Variants in DEPDC7 observed in about 807,000 individuals in gnomAD.
DEPDC7 encodes the protein DEP domain-containing protein 7.
DEPDC7 carries 41 observed loss-of-function variants against 56.6 expected under a neutral mutation model. The observed-to-expected ratio is 0.72, with a 90% confidence interval of 0.56 to 0.94. The LOEUF (loss-of-function observed/expected upper bound fraction) is 0.94. DEPDC7 is among the 40% of genes least tolerant of loss of function. DEPDC7 has a pLI of 0.00. For missense variants in DEPDC7, 522 were observed against 596.3 expected (o/e 0.88, Z 1.30); for synonymous variants, 185 against 208.8 (o/e 0.89, Z 0.98).
At position 33,028,777 on chromosome 11, in the gene DEPDC7, C is replaced by T. The variant is rs760792587; in HGVS notation, c.767C>T (p.Ala256Val). ...SNYLDRGILK[A>V]YSDSQEDEWL... ...TATCTGGATCGAGGGATTCTCAAGG[C>T]TTATAGTGACTCTCAGTATGTGGAA... Residue 256 changes from alanine (A) to valine (V), a missense_variant, in exon 4 of 9, where the codon GCT becomes GTT. By Grantham distance (64) the Ala-to-Val change is moderately conservative (BLOSUM62 0). Transcript: ENST00000241051. The T allele has an allele frequency of 2.6e-5, 42 of 1,606,564 alleles. No homozygotes were observed. The highest frequency in any genetic ancestry group is 3.6e-5 in the Non-Finnish European group (42 of 1,177,792).
At chr11:33,019,638 C>T (rs113239755) in intron 1 of DEPDC7, among the ~76,000 whole-genome samples, 11 of 152,200 alleles carry the variant, frequency 7.2e-5, no homozygotes, top group African/African-American at 2.4e-4. Flanking sequence ...TGCATTCCAA[C>T]CTGGATGACA....
intron 1 of DEPDC7, among the ~76,000 whole-genome samples, chr11:33,019,878 C>CTTTTTT (rs77915754): frequency 7.8e-6 from 1 of 128,774 alleles, no homozygotes; most frequent in Non-Finnish European, 1.7e-5. Flanking sequence ...GATTCAGTTC[C>CTTTTTT]TTTTTTTTTT....
intron 4 of DEPDC7, among the ~76,000 whole-genome samples, chr11:33,031,165 G>A (rs3818228): frequency 0.4 from 61,190 of 152,070 alleles, 12,483 homozygotes; most frequent in East Asian, 0.46. Flanking sequence ...AAAGGAAAAA[G>A]TAAAGGGAAA....
Position 33,016,023 on chromosome 11 carries a change from C to G in DEPDC7, c.68C>G (p.Pro23Arg), listed in dbSNP as rs766262112. The G allele has an allele frequency of 2.3e-5, 35 of 1,537,128 alleles. 1 individual carries two copies. In the South Asian group the frequency reaches 4.3e-4, roughly 19 times the overall value. Residue 23 changes from proline to arginine, a missense_variant, in exon 1 of 9, where the codon CCT (proline) becomes CGT (arginine). By Grantham distance (103) the Pro-to-Arg change is moderately radical. Coordinates refer to ENST00000241051, the MANE Select transcript of DEPDC7 (RefSeq NM_001077242.2). Reference protein sequence around the residue: ...LSALHSPAHRPPGFSVAQKPF... With the variant: ...LSALHSPAHRRPGFSVAQKPF... ...GCTCTCCACAGCCCCGCGCACAGGC[C>G]TCCGGGTAGGTGCCGAGGACTGCCG...
At position 33,032,494 on chromosome 11, in the gene DEPDC7, A is replaced by G; in HGVS notation, c.1137+16A>G. On this transcript the variant is annotated intron_variant, in intron 6 of 8. Transcript: ENST00000241051. ...ACAGAAAGAAGTAAGTCTTTTGTTT[A>G]ACTGTTAGTTGTATTTAATATCCTT... 1 of 1,549,298 alleles carries G rather than the reference A, an allele frequency of 6.5e-7. No individual in the cohort carries two copies. The highest frequency in any genetic ancestry group is 1.3e-5 in the South Asian group (1 of 79,928).
In DEPDC7 at chr11:33,024,434, A is replaced by ATG. The variant is rs760322915; in HGVS notation, c.74-1211_74-1210dup. Among the ~76,000 whole-genome samples, 306 of 151,662 alleles carry ATG rather than the reference A, an allele frequency of 2.0e-3. 1 individual carries two copies. Among genetic ancestry groups the ATG allele is most frequent in the African/African-American group, 5.4e-3 (222 of 41,398 alleles). ...GCAATGATTGTGTGTATCAATGTGT[A>ATG]TGTGTGTGTGTGTGTATACAATCAT... On this transcript the variant is annotated intron_variant, in intron 1 of 8. Transcript: ENST00000241051.
At chr11:33,030,194 G>A (rs1329456957) in intron 4 of DEPDC7, among the ~76,000 whole-genome samples, 1 of 152,204 alleles carries the variant, frequency 6.6e-6, no homozygotes, top group Non-Finnish European at 1.5e-5. Flanking sequence ...TCCCGACCTT[G>A]TGATCTGTCC....
intron 4 of DEPDC7, among the ~76,000 whole-genome samples, chr11:33,031,064 T>C (rs2133667729): frequency 6.6e-6 from 1 of 152,318 alleles, no homozygotes; most frequent in South Asian, 2.1e-4. Flanking sequence ...AGTTTCTGGG[T>C]CTCCATCGTA....
intron 1 of DEPDC7, among the ~76,000 whole-genome samples, chr11:33,024,788 T>G (rs1853560171): frequency 7.0e-6 from 1 of 142,750 alleles, no homozygotes; most frequent in Non-Finnish European, 1.5e-5. Flanking sequence ...AATGTTGTTT[T>G]GTGATGCATG....
chr11:33,025,879 G>T lies in DEPDC7; in HGVS notation c.294G>T (p.Val98=), dbSNP rs765950080. 1.2e-6 allele frequency: 2 copies of T among 1,614,184 alleles called. No individual in the cohort carries two copies. Among genetic ancestry groups the T allele is most frequent in the Non-Finnish European group, 8.5e-7 (1 of 1,180,026 alleles). ...VDIPRAKVVR[V]CQALMDYKVF... ...TTCCTCGAGCCAAAGTGGTGAGAGT[G>T]TGTCAAGCGCTTATGGACTACAAAG... is the stretch of plus-strand genomic sequence containing the variant. The change falls in exon 2 of 9, where the codon GTG becomes GTT. Residue 98 remains valine, a synonymous_variant. Coordinates refer to ENST00000241051, the MANE Select transcript of DEPDC7 (RefSeq NM_001077242.2).
At position 33,028,623 on chromosome 11, in the gene DEPDC7, G is replaced by C; in HGVS notation, c.613G>C (p.Glu205Gln). The change falls in exon 4 of 9, where the codon GAA becomes CAA. Residue 205 changes from glutamate to glutamine, a missense_variant. Physicochemically the swap from Glu to Gln is conservative, Grantham distance 29 (BLOSUM62 2). Coordinates refer to ENST00000241051, the MANE Select transcript of DEPDC7 (RefSeq NM_001077242.2). ...TGTAGTTATTAATGAAGTGTGGCAA[G>C]AAGAAACAATTGGGCGTCTACTACA... ...SPQVINEVWQ[E>Q]ETIGRLLQLV... The C allele has an allele frequency of 6.3e-7, 1 of 1,598,140 alleles. No homozygotes were observed. The highest frequency in any genetic ancestry group is 1.3e-5 in the African/African-American group (1 of 74,166).
At chr11:33,027,931 T>A in intron 3 of DEPDC7, 118 bp downstream of exon 3, 1 of 1,033,592 alleles carries the variant, frequency 9.7e-7, no homozygotes, top group Non-Finnish European at 1.3e-6. Flanking sequence ...AAGAGTGCAC[T>A]ATGTATTAAA....
rs1358047416 is a variant in DEPDC7 at position 33,032,436 on chromosome 11, G to A, written c.1095G>A (p.Met365Ile). ...REEFRRLLYF[M>I]AVAANPSEFK... Reference sequence around the variant, plus strand: ...AATTTAGAAGACTACTGTATTTCATGGCTGTTGCAGCAAATCCTTCTGAGT... The same window carrying A: ...AATTTAGAAGACTACTGTATTTCATAGCTGTTGCAGCAAATCCTTCTGAGT... Residue 365 changes from methionine (M) to isoleucine (I), a missense_variant, in exon 6 of 9, where the codon ATG (methionine) becomes ATA (isoleucine). Met to Ile is a conservative substitution (Grantham distance 10). Transcript: ENST00000241051. 4.5e-6 allele frequency: 7 copies of A among 1,569,180 alleles called. No homozygotes were observed. Among genetic ancestry groups the A allele is most frequent in the Non-Finnish European group, 6.0e-6 (7 of 1,168,264 alleles).
At chr11:33,027,840 A>G in intron 3 of DEPDC7, 27 bp downstream of exon 3, 1 of 1,502,174 alleles carries the variant, frequency 6.7e-7, no homozygotes, top group Non-Finnish European at 8.8e-7. Flanking sequence ...GCAAAGTAAG[A>G]AGTAGAAGAC....
At chr11:33,023,229 CAAAA>C (rs753650378) in intron 1 of DEPDC7, among the ~76,000 whole-genome samples, 1 of 82,056 alleles carries the variant, frequency 1.2e-5, no homozygotes. Context: ...GACTCTGTCT[CAAAA>C]AAAAAAAAAA....
At chr11:33,032,622 G>T (rs958122214) in intron 6 of DEPDC7, 46 bp from the exon 7 acceptor site, 2 of 1,402,580 alleles carry the variant, frequency 1.4e-6, no homozygotes, top group Non-Finnish European at 1.9e-6. Context: ...TATTAAACTT[G>T]TCTCTTAAAT....
intron 1 of DEPDC7, among the ~76,000 whole-genome samples, chr11:33,025,372 A>G (rs1209424474): frequency 3.3e-5 from 5 of 152,174 alleles, no homozygotes; most frequent in African/African-American, 1.2e-4. Flanking sequence ...GCATTGATCT[A>G]ACACGTATGG....
intron 1 of DEPDC7, chr11:33,016,562 A>G: frequency 1.9e-6 from 3 of 1,614,176 alleles, no homozygotes; most frequent in East Asian, 2.2e-5. Context: ...TGTGAGTTCT[A>G]CTGGCAGGAA....
chr11:33,024,046 C>A (rs1271159945), intron 1 of DEPDC7, among the ~76,000 whole-genome samples: 4 of 152,010 alleles, frequency 2.6e-5, no homozygotes, highest in Admixed American at 1.3e-4. Context: ...AAAAGTGTAA[C>A]ACATTAAAGG....
Sources: gnomAD v4.1 joint callset for allele counts (sites outside exome capture counted in the v4.1 genomes callset) on GRCh38, gnomAD v4.1.1 for gene constraint, MANE v1.5 for transcripts, NCBI Gene and HGNC (gene_info 2026-07-23, HGNC 2026-07-21) for gene names.